Variants in COL5A2 observed in about 807,000 individuals in gnomAD.
COL5A2 encodes collagen type V alpha 2 chain, also known as collagen alpha-2(V) chain.
A neutral mutation model predicts 208.2 loss-of-function variants in COL5A2; 23 were observed. That is an observed-to-expected ratio of 0.11 (90% CI 0.08 to 0.16). COL5A2 has a LOEUF of 0.16. COL5A2 is among the 10% of genes least tolerant of loss of function. The pLI is 1.00. For synonymous variants in COL5A2, 625 were observed against 628.5 expected (o/e 0.99, Z 0.08); for missense variants, 1,590 against 1,956.4 (o/e 0.81, Z 3.53).
At chr2:189,328,031 T>C in the COL5A2 span, among the ~76,000 whole-genome samples, 4 of 152,228 alleles carry the variant, frequency 2.6e-5, no homozygotes, top group African/African-American at 9.6e-5. Flanking sequence ...CAGAAATTCC[T>C]ACAGAGTCCA....
chr2:189,426,729 T>C, the COL5A2 span, among the ~76,000 whole-genome samples: 1 of 152,218 alleles, frequency 6.6e-6, no homozygotes, highest in African/African-American at 2.4e-5. Context: ...TCTGGCTGTA[T>C]TGTGCCCTGC....
chr2:189,167,408 A>G (rs1323844706), intron 1 of COL5A2, among the ~76,000 whole-genome samples: 1 of 152,178 alleles, frequency 6.6e-6, no homozygotes, highest in East Asian at 1.9e-4. Context: ...TCCTTTACAT[A>G]ACAGAATACA....
chr2:189,197,047 C>T (rs375516006), intron 1 of COL5A2, among the ~76,000 whole-genome samples: 15 of 152,156 alleles, frequency 9.9e-5, no homozygotes, highest in African/African-American at 3.1e-4. Flanking sequence ...ATGGAACCAA[C>T]GCAAATGCCC....
At chr2:189,103,423 T>C (rs1412473813) in intron 3 of COL5A2, among the ~76,000 whole-genome samples, 1 of 151,998 alleles carries the variant, frequency 6.6e-6, no homozygotes, top group Non-Finnish European at 1.5e-5. Context: ...ATAAATCATT[T>C]TATTAAAGTT....
intron 7 of COL5A2, among the ~76,000 whole-genome samples, chr2:189,091,183 T>A (rs1157988849): frequency 6.6e-6 from 1 of 152,304 alleles, no homozygotes; most frequent in South Asian, 2.1e-4. Flanking sequence ...GGGAAGTAAT[T>A]GCAGATATGA....
the COL5A2 span, chr2:189,311,886 C>T: frequency 2.4e-4 from 247 of 1,016,954 alleles, no homozygotes; most frequent in Admixed American, 9.0e-4. Flanking sequence ...TTTACTTCCT[C>T]TTTGTGGTTC....
chr2:189,034,112 G>T lies in COL5A2; in HGVS notation c.4458C>A (p.Asp1486Glu). The T allele has an allele frequency of 6.2e-7, 1 of 1,613,968 alleles. No individual in the cohort carries two copies. Among genetic ancestry groups the T allele is most frequent in the South Asian group, 1.1e-5 (1 of 91,086 alleles). Residue 1486 changes from aspartate (D) to glutamate (E), a missense_variant, in exon 54 of 54, where the codon GAC (aspartate) becomes GAA (glutamate). Asp to Glu is a conservative substitution (Grantham distance 45). Coordinates refer to ENST00000374866, the MANE Select transcript of COL5A2 (RefSeq NM_000393.5). ...DLAPVDVGGTDQEFGVEIGPV... is the reference protein window; with the variant it reads ...DLAPVDVGGTEQEFGVEIGPV... ...GCCCAATTTCAACGCCGAATTCCTG[G>T]TCTGTGCCGCCAACATCCACAGGAG...
chr2:189,303,260 C>T, the COL5A2 span, among the ~76,000 whole-genome samples: 3 of 152,158 alleles, frequency 2.0e-5, no homozygotes, highest in African/African-American at 7.2e-5. Flanking sequence ...AAATCCTAGA[C>T]ATTCCTCCCA....
the COL5A2 span, among the ~76,000 whole-genome samples, chr2:189,256,723 C>CA: frequency 6.6e-6 from 1 of 152,144 alleles, no homozygotes; most frequent in Non-Finnish European, 1.5e-5. Context: ...GCAATCTCAG[C>CA]TCTCTGCAAC....
the COL5A2 span, among the ~76,000 whole-genome samples, chr2:189,318,137 C>G: frequency 4.0e-3 from 616 of 152,298 alleles, 7 homozygotes; most frequent in African/African-American, 0.014. Context: ...CTGTAGAACA[C>G]CTGTGTCTGC....
chr2:189,314,242 G>A, the COL5A2 span, among the ~76,000 whole-genome samples: 4 of 152,076 alleles, frequency 2.6e-5, no homozygotes, highest in Admixed American at 2.6e-4. Context: ...ATAACAAACA[G>A]TCTCTCAGAC....
At chr2:189,385,441 A>T in the COL5A2 span, among the ~76,000 whole-genome samples, 1 of 152,172 alleles carries the variant, frequency 6.6e-6, no homozygotes, top group Non-Finnish European at 1.5e-5. Flanking sequence ...CTACAAAGAA[A>T]ACTACAAAAC....
At chr2:189,086,408 G>A (rs1408066212) in intron 9 of COL5A2, among the ~76,000 whole-genome samples, 2 of 151,964 alleles carry the variant, frequency 1.3e-5, no homozygotes, top group Admixed American at 1.3e-4. Flanking sequence ...CTTCAGAGTT[G>A]GCATATAACC....
At chr2:189,191,158 A>AAAAAAAAAAAAAAAAAAAAAAAAAC (rs764677628) in intron 1 of COL5A2, among the ~76,000 whole-genome samples, 1 of 130,746 alleles carries the variant, frequency 7.6e-6, no homozygotes, top group Non-Finnish European at 1.6e-5. Flanking sequence ...AAAACAAAAA[A>AAAAAAAAAAAAAAAAAAAAAAAAAC]CAAACAAACA....
Position 189,179,609 on chromosome 2 carries a change from A to T in COL5A2, c.-5T>A. ...TTCCGCCCAGTTTGCCATCATGTCT[A>T]AATATTAGACATGTGGGTTCTCCTG... On this transcript the variant is annotated 5_prime_UTR_variant, in exon 1 of 54. The change abolishes the stop of an existing upstream ORF in the 5' untranslated region. Transcript: ENST00000374866. The T allele has an allele frequency of 1.2e-6, 2 of 1,600,434 alleles. No individual in the cohort carries two copies. The highest frequency in any genetic ancestry group is 1.7e-6 in the Non-Finnish European group (2 of 1,171,468).
intron 1 of COL5A2, among the ~76,000 whole-genome samples, chr2:189,119,834 T>C (rs968840614): frequency 6.6e-6 from 1 of 152,054 alleles, no homozygotes; most frequent in African/African-American, 2.4e-5. Flanking sequence ...TAAAATTTAG[T>C]TTGGACAAAA....
Position 189,064,655 on chromosome 2 carries a change from C to A in COL5A2, c.1618G>T (p.Gly540Cys). Reference protein sequence around the residue: ...PGSDGLPGPKGAQGERGPVGS... With the variant: ...PGSDGLPGPKCAQGERGPVGS... ...ACAGGACCCCGTTCTCCTTGAGCAC[C>A]CTGTACCGAGGCAAAGCAGATGCAT... is the stretch of plus-strand genomic sequence containing the variant. The change falls in exon 25 of 54, where the codon GGT becomes TGT. Residue 540 changes from glycine (G) to cysteine (C), a missense_variant and splice_region_variant. By Grantham distance (159) the Gly-to-Cys change is radical. Coordinates refer to ENST00000374866, the MANE Select transcript of COL5A2 (RefSeq NM_000393.5). 1 of 1,609,356 alleles carries A rather than the reference C, an allele frequency of 6.2e-7. No homozygotes were observed. The highest frequency in any genetic ancestry group is 1.3e-5 in the African/African-American group (1 of 74,844).
At chr2:189,319,968 C>G in the COL5A2 span, among the ~76,000 whole-genome samples, 1 of 152,218 alleles carries the variant, frequency 6.6e-6, no homozygotes, top group Non-Finnish European at 1.5e-5. Flanking sequence ...GAGACAAAAC[C>G]TCCAGAGGAA....
the COL5A2 span, among the ~76,000 whole-genome samples, chr2:189,397,091 C>A: frequency 6.6e-6 from 1 of 151,998 alleles, no homozygotes; most frequent in South Asian, 2.1e-4. Flanking sequence ...GGTTGAAAAC[C>A]CTAATCCCCA....
Sources: allele counts gnomAD v4.1 joint callset (sites outside exome capture counted in the v4.1 genomes callset), GRCh38; gene constraint gnomAD v4.1.1; transcripts MANE v1.5; gene names NCBI Gene and HGNC (gene_info 2026-07-23, HGNC 2026-07-21).